Variants in OR2L13 observed in about 807,000 individuals in gnomAD.
The protein encoded by OR2L13 is olfactory receptor 2L13.
In OR2L13, 14 loss-of-function variants were observed where a neutral mutation model predicts 15.3. The observed-to-expected ratio is 0.91, with a 90% CI of 0.60 to 1.43. OR2L13 has a LOEUF of 1.43. Among genes scored for constraint, OR2L13 ranks in the 40% most tolerant of loss-of-function variants. The probability of loss-of-function intolerance (pLI) is 0.00; values close to 1 mark genes in which losing one functional copy is unlikely to be tolerated. For missense variants in OR2L13, 367 were observed against 387.9 expected, an observed-to-expected ratio of 0.95 and a Z score of 0.45; for synonymous variants, 152 against 142.9, an observed-to-expected ratio of 1.06 and a Z score of -0.45.
the OR2L13 span, among the ~76,000 whole-genome samples, chr1:248,070,277 C>A: frequency 6.0e-4 from 91 of 152,212 alleles, no homozygotes; most frequent in African/African-American, 2.0e-3. Context: ...CAAACTGTCT[C>A]TCAGACCACA....
exon 3 of OR2L13, chr1:248,100,655 G>GC (rs1327557633): frequency 5.9e-6 from 1 of 170,774 alleles, no homozygotes; most frequent in African/African-American, 2.4e-5. Flanking sequence ...TGTTAATGTT[G>GC]CCTTTTACTC....
chr1:248,022,513 C>G, the OR2L13 span: 1 of 1,614,188 alleles, frequency 6.2e-7, no homozygotes, highest in Non-Finnish European at 8.5e-7. Context: ...TTAGCCTGTA[C>G]AGACACCTGG....
intron 2 of OR2L13, among the ~76,000 whole-genome samples, chr1:248,099,061 C>T (rs1294679097): frequency 6.6e-6 from 1 of 151,946 alleles, no homozygotes; most frequent in East Asian, 1.9e-4. Flanking sequence ...ATGCTTAAGC[C>T]ATAAATTACA....
the OR2L13 span, among the ~76,000 whole-genome samples, chr1:248,032,669 G>A: frequency 2.5e-4 from 38 of 152,172 alleles, no homozygotes; most frequent in African/African-American, 8.2e-4. Flanking sequence ...CTATGTTGTA[G>A]CATGTGTCAA....
the OR2L13 span, among the ~76,000 whole-genome samples, chr1:247,958,813 T>C: frequency 0.98 from 149,279 of 151,702 alleles, 73,501 homozygotes; most frequent in East Asian, 1. Context: ...TCCTCCATCC[T>C]TTTATTTTGA....
At chr1:248,003,919 C>T in the OR2L13 span, 21 of 1,612,772 alleles carry the variant, frequency 1.3e-5, no homozygotes, top group Admixed American at 2.2e-4. Flanking sequence ...GTCCAAGATC[C>T]CTGTAATCTC....
chr1:248,076,008 C>G, the OR2L13 span, among the ~76,000 whole-genome samples: 74 of 152,210 alleles, frequency 4.9e-4, no homozygotes, highest in African/African-American at 1.7e-3. Flanking sequence ...TTTAATCCAT[C>G]TTGAATTAAT....
chr1:248,017,690 T>C, the OR2L13 span, among the ~76,000 whole-genome samples: 2 of 152,140 alleles, frequency 1.3e-5, no homozygotes, highest in African/African-American at 4.8e-5. Context: ...CTGATGTCTT[T>C]TCTACCCGGT....
chr1:248,024,222 A>G, the OR2L13 span: 18 of 152,226 alleles, frequency 1.2e-4, no homozygotes, highest in African/African-American at 3.9e-4. Context: ...TTGCCCAAGA[A>G]TTTGTAATGA....
the OR2L13 span, chr1:248,013,618 A>C: frequency 6.6e-6 from 1 of 152,110 alleles, no homozygotes; most frequent in Non-Finnish European, 1.5e-5. Flanking sequence ...GAATGTATAC[A>C]TTTCTTTAAA....
chr1:248,019,673 G>A, the OR2L13 span, among the ~76,000 whole-genome samples: 1 of 152,036 alleles, frequency 6.6e-6, no homozygotes, highest in Non-Finnish European at 1.5e-5. Context: ...AAAATATATT[G>A]CTGTTTATAG....
At chr1:247,943,094 A>C in the OR2L13 span, among the ~76,000 whole-genome samples, 1 of 152,168 alleles carries the variant, frequency 6.6e-6, no homozygotes, top group Non-Finnish European at 1.5e-5. Flanking sequence ...ATTTTTATTG[A>C]TTCTTCTGTA....
chr1:248,083,730 C>T, the OR2L13 span: 8 of 1,613,330 alleles, frequency 5.0e-6, no homozygotes, highest in African/African-American at 2.7e-5. Flanking sequence ...GTTCCTCACA[C>T]TGTAGATGAG....
the OR2L13 span, among the ~76,000 whole-genome samples, chr1:247,956,348 C>T: frequency 2.6e-5 from 4 of 151,196 alleles, no homozygotes; most frequent in Non-Finnish European, 5.9e-5. Context: ...TTACTGTAGC[C>T]TTGTAGTATA....
At chr1:247,976,590 ATGT>A in the OR2L13 span, among the ~76,000 whole-genome samples, 4 of 152,298 alleles carry the variant, frequency 2.6e-5, no homozygotes, top group Admixed American at 6.5e-5. Flanking sequence ...GTCAAACATC[ATGT>A]TGTACAGTTT....
chr1:247,981,281 A>G, the OR2L13 span, among the ~76,000 whole-genome samples: 2 of 152,196 alleles, frequency 1.3e-5, 1 homozygote, highest in African/African-American at 4.8e-5. Flanking sequence ...TGAAAGTACT[A>G]GTGTTGTTTT....
the OR2L13 span, chr1:247,949,138 C>A: frequency 1.9e-6 from 3 of 1,613,938 alleles, no homozygotes; most frequent in Non-Finnish European, 2.5e-6. Context: ...ATCTCCTTCA[C>A]TGGGTGTGGG....
At chr1:247,948,736 A>G in the OR2L13 span, 179 of 733,752 alleles carry the variant, frequency 2.4e-4, no homozygotes, top group African/African-American at 2.9e-3. Flanking sequence ...AGGGTTCAGT[A>G]TCAACTGCAG....
At chr1:248,051,939 T>C in the OR2L13 span, among the ~76,000 whole-genome samples, 1 of 152,196 alleles carries the variant, frequency 6.6e-6, no homozygotes, top group African/African-American at 2.4e-5. Context: ...ATAACCACAT[T>C]GTAAATTGAG....
Sources: gnomAD v4.1 joint callset for allele counts (sites outside exome capture counted in the v4.1 genomes callset) on GRCh38, gnomAD v4.1.1 for gene constraint, MANE v1.5 for transcripts, NCBI Gene and HGNC (gene_info 2026-07-23, HGNC 2026-07-21) for gene names.